Variants in SSBP3 observed in about 807,000 individuals in gnomAD.
SSBP3 encodes the protein single stranded DNA binding protein 3, also known as single-stranded DNA-binding protein 3.
In SSBP3, 5 loss-of-function variants were observed where a neutral mutation model predicts 69.6. That is an observed-to-expected ratio of 0.07 (90% CI 0.04 to 0.15). SSBP3 has a LOEUF of 0.15. Ranked by LOEUF, SSBP3 falls within the 10% of genes least tolerant of loss-of-function variation. SSBP3 has a pLI of 1.00. For synonymous variants in SSBP3, 196 were observed against 193.4 expected, an observed-to-expected ratio of 1.01 and a Z score of -0.11; for missense variants, 312 against 534.0, an observed-to-expected ratio of 0.58 and a Z score of 4.10.
At chr1:54,245,907 A>C (rs971572558) in intron 9 of SSBP3, among the ~76,000 whole-genome samples, 2 of 152,258 alleles carry the variant, frequency 1.3e-5, no homozygotes, top group African/African-American at 4.8e-5. Context: ...CTGTGTGTGC[A>C]CTGCCTACAA....
At chr1:54,238,567 G>A (rs1557446189) in intron 14 of SSBP3, 1 of 345,764 alleles carries the variant, frequency 2.9e-6, no homozygotes, top group Non-Finnish European at 6.0e-6. Flanking sequence ...ACAGGAGGAA[G>A]TGGGGCAAGC....
intron 5 of SSBP3, among the ~76,000 whole-genome samples, chr1:54,276,679 G>GT (rs1645294734): frequency 6.8e-6 from 1 of 146,312 alleles, no homozygotes; most frequent in Non-Finnish European, 1.5e-5. Flanking sequence ...TCAAGTCCCC[G>GT]TCTCCACGAA....
chr1:54,396,366 A>T (rs1648887894), intron 4 of SSBP3, among the ~76,000 whole-genome samples: 1 of 152,150 alleles, frequency 6.6e-6, no homozygotes, highest in African/African-American at 2.4e-5. Context: ...GCTAAAAAAG[A>T]TTAATTTTTC....
At chr1:54,228,697 G>A (rs1255882237) in intron 15 of SSBP3, 51 bp downstream of exon 15, 2 of 1,545,542 alleles carry the variant, frequency 1.3e-6, no homozygotes, top group Non-Finnish European at 1.8e-6. Flanking sequence ...CTGAGGCACA[G>A]AGCTGGCTGC....
In SSBP3 at chr1:54,258,036, C is replaced by G. The variant is rs553498222; in HGVS notation, c.447+33G>C. On this transcript the variant is annotated intron_variant, in intron 6 of 17. Coordinates refer to ENST00000610401, the Ensembl canonical transcript of SSBP3. The surrounding 1 kb of genome is among the most constrained non-coding windows in gnomAD (Gnocchi z 4.5). ...TCTCTGCTTCCTCCGCGCCCCGCGT[C>G]CCCGGCGGGCGGGAGCGCCACGGTG... 42 of 1,557,514 alleles carry G rather than the reference C, an allele frequency of 2.7e-5. No homozygotes were observed. The highest frequency in any genetic ancestry group is 4.3e-4 in the Middle Eastern group (2 of 4,662).
chr1:54,241,948 G>A (rs1279421424), intron 11 of SSBP3, among the ~76,000 whole-genome samples: 1 of 152,186 alleles, frequency 6.6e-6, no homozygotes, highest in Non-Finnish European at 1.5e-5. Flanking sequence ...TTAGAGGAGT[G>A]GGCTGGCTGG....
intron 4 of SSBP3, among the ~76,000 whole-genome samples, chr1:54,298,930 AACACACACAC>A (rs10525954): frequency 5.1e-5 from 7 of 137,174 alleles, no homozygotes; most frequent in African/African-American, 8.2e-5. Context: ...ACAAAAACAA[AACACACACAC>A]ACACACACAC....
intron 4 of SSBP3, among the ~76,000 whole-genome samples, chr1:54,363,158 T>C (rs1646976748): frequency 6.6e-6 from 1 of 152,150 alleles, no homozygotes. Flanking sequence ...TGGATACTGT[T>C]TGCTGAGTCA....
chr1:54,272,501 A>AAAG (rs1645211726), intron 5 of SSBP3, among the ~76,000 whole-genome samples: 5 of 151,224 alleles, frequency 3.3e-5, no homozygotes, highest in African/African-American at 1.2e-4. Context: ...AAAAAAAAAA[A>AAAG]GGGAGAAAAA....
At chr1:54,268,840 T>G (rs1006788679) in intron 5 of SSBP3, among the ~76,000 whole-genome samples, 3 of 152,198 alleles carry the variant, frequency 2.0e-5, no homozygotes, top group African/African-American at 7.2e-5. Flanking sequence ...CAACAATACC[T>G]GGCAAACTTG....
At chr1:54,271,766 T>C (rs1195857256) in intron 5 of SSBP3, among the ~76,000 whole-genome samples, 2 of 152,092 alleles carry the variant, frequency 1.3e-5, no homozygotes, top group African/African-American at 4.8e-5. Context: ...TTTCTTTCTT[T>C]TCTTTTTCTT....
chr1:54,404,841 G>T lies in SSBP3; in HGVS notation c.129+17C>A. The T allele has an allele frequency of 3.1e-6, 5 of 1,591,376 alleles. No homozygotes were observed. Among genetic ancestry groups the T allele is most frequent in the Non-Finnish European group, 4.3e-6 (5 of 1,161,296 alleles). ...GGGGGTGTCAAGAAATTGGATGCTG[G>T]GGGGAGTCCCACTCACCTCCGATAA... On this transcript the variant is annotated intron_variant, in intron 2 of 17. Coordinates refer to ENST00000610401, the Ensembl canonical transcript of SSBP3.
chr1:54,315,227 ACT>A (rs1033295678), intron 4 of SSBP3, among the ~76,000 whole-genome samples: 1 of 151,914 alleles, frequency 6.6e-6, no homozygotes, highest in African/African-American at 2.4e-5. Context: ...GGGCCACATA[ACT>A]CTCTCTCCTT....
intron 5 of SSBP3, among the ~76,000 whole-genome samples, chr1:54,263,783 CAGCAGGG>C (rs1645055695): frequency 2.0e-5 from 3 of 152,194 alleles, no homozygotes; most frequent in Non-Finnish European, 4.4e-5. Flanking sequence ...CCAAACAGAG[CAGCAGGG>C]CTGAGGCAGC....
intron 4 of SSBP3, among the ~76,000 whole-genome samples, chr1:54,396,898 G>A (rs1004481772): frequency 1.3e-5 from 2 of 152,272 alleles, no homozygotes; most frequent in Non-Finnish European, 2.9e-5. Context: ...TGGCTGCACT[G>A]CTCGGGTGCT....
At chr1:54,241,163 C>T (rs1017235692) in intron 12 of SSBP3, among the ~76,000 whole-genome samples, 5 of 152,142 alleles carry the variant, frequency 3.3e-5, no homozygotes, top group African/African-American at 4.8e-5. Context: ...TCAGACCAAG[C>T]GGCCCCTGTG....
At chr1:54,396,547 C>T (rs1222040818) in intron 4 of SSBP3, among the ~76,000 whole-genome samples, 1 of 152,076 alleles carries the variant, frequency 6.6e-6, no homozygotes, top group Non-Finnish European at 1.5e-5. Flanking sequence ...GGGAAGGGGG[C>T]CAGGCACCCT....
At chr1:54,242,659 ACCG>A (rs1644660182) in intron 10 of SSBP3, among the ~76,000 whole-genome samples, 1 of 152,040 alleles carries the variant, frequency 6.6e-6, no homozygotes. Flanking sequence ...TATAATAATA[ACCG>A]CGTCAGGCCG....
intron 4 of SSBP3, among the ~76,000 whole-genome samples, chr1:54,296,648 A>G (rs1319679733): frequency 1.3e-5 from 2 of 152,172 alleles, no homozygotes; most frequent in African/African-American, 2.4e-5. Flanking sequence ...CGAGGACAAT[A>G]AGCACTGCCT....
Sources: allele counts gnomAD v4.1 joint callset (sites outside exome capture counted in the v4.1 genomes callset), GRCh38; gene constraint gnomAD v4.1.1; non-coding constraint Gnocchi (gnomAD v3.1); transcripts MANE v1.5; gene names NCBI Gene and HGNC (gene_info 2026-07-23, HGNC 2026-07-21).